Variants in DYNC1I1 observed in about 807,000 individuals in gnomAD.
The protein encoded by DYNC1I1 is cytoplasmic dynein 1 intermediate chain 1.
DYNC1I1 carries 43 observed loss-of-function variants against 86.6 expected under a neutral mutation model. That is an observed-to-expected ratio of 0.50 (90% CI 0.39 to 0.64). DYNC1I1 has a LOEUF of 0.64. DYNC1I1 is among the 30% of genes least tolerant of loss of function. The pLI is 0.00. For missense variants in DYNC1I1, 604 were observed against 788.8 expected (o/e 0.77, Z 2.81); for synonymous variants, 262 against 283.7 (o/e 0.92, Z 0.77).
At chr7:96,065,366 TTTTCTTTCTTTC>T (rs1336479543) in intron 14 of DYNC1I1, among the ~76,000 whole-genome samples, 3 of 141,032 alleles carry the variant, frequency 2.1e-5, no homozygotes, top group African/African-American at 8.2e-5. Context: ...TCTTTTCTTT[TTTTCTTTCTTTC>T]TTTTTTTTTT....
intron 10 of DYNC1I1, among the ~76,000 whole-genome samples, chr7:96,021,760 C>G (rs1028652132): frequency 2.0e-5 from 3 of 152,146 alleles, no homozygotes; most frequent in Non-Finnish European, 4.4e-5. Flanking sequence ...TGGAATCATA[C>G]AATAAGTGGC....
In DYNC1I1 at chr7:95,907,122, C is replaced by T. The variant is rs551395587; in HGVS notation, c.490+37124C>T. Among the ~76,000 whole-genome samples the T allele has an allele frequency of 2.0e-5, 3 of 152,232 alleles. No homozygotes were observed. In the South Asian group the frequency reaches 6.2e-4, roughly 32 times the overall value. ...TGCAGAACATCCGCTTTGAAATCGG[C>T]AGCTCAGTCAAAAACAGAGCTGTTG... On this transcript the variant is annotated intron_variant, in intron 6 of 16. Coordinates refer to ENST00000447467, the MANE Select transcript of DYNC1I1 (RefSeq NM_001135556.2).
At chr7:95,991,650 G>A (rs1481045540) in intron 9 of DYNC1I1, among the ~76,000 whole-genome samples, 2 of 151,994 alleles carry the variant, frequency 1.3e-5, no homozygotes, top group Non-Finnish European at 2.9e-5. Context: ...GGGAAGTTAG[G>A]CTTCTGTTGA....
At chr7:95,799,326 C>A (rs1285977222) in intron 1 of DYNC1I1, among the ~76,000 whole-genome samples, 1 of 152,148 alleles carries the variant, frequency 6.6e-6, no homozygotes, top group East Asian at 1.9e-4. Flanking sequence ...TTGCAGTGAG[C>A]CGAGATCGGG....
At chr7:95,931,346 C>T (rs376325252) in intron 6 of DYNC1I1, among the ~76,000 whole-genome samples, 2 of 152,102 alleles carry the variant, frequency 1.3e-5, no homozygotes, top group East Asian at 1.9e-4. Flanking sequence ...GATGGGGTTT[C>T]GCCATGTTGG....
rs1463517537 is a variant in DYNC1I1 at position 96,080,414 on chromosome 7, C to T, written c.1702C>T (p.Arg568Cys). The T allele has an allele frequency of 5.0e-6, 8 of 1,614,006 alleles. No individual in the cohort carries two copies. Among genetic ancestry groups the T allele is most frequent in the Non-Finnish European group, 5.1e-6 (6 of 1,179,974 alleles). The change falls in exon 16 of 17, where the codon CGT becomes TGT. Residue 568 changes from arginine to cysteine, a missense_variant. Arg to Cys is a radical substitution (Grantham distance 180, BLOSUM62 -3). Transcript: ENST00000447467. Reference protein sequence around the residue: ...IEGASALNRVRWAQAGKEVAV... With the variant: ...IEGASALNRVCWAQAGKEVAV... ...GGGGGCATCCGCCCTAAACCGTGTT[C>T]GTTGGGCCCAAGCTGGCAAAGAAGT... is the stretch of plus-strand genomic sequence containing the variant.
At chr7:95,974,621 T>C (rs554462376) in intron 6 of DYNC1I1, among the ~76,000 whole-genome samples, 32 of 152,272 alleles carry the variant, frequency 2.1e-4, no homozygotes, top group African/African-American at 7.0e-4. Flanking sequence ...ACCTAAGCTG[T>C]GAATCTTTCT....
intron 10 of DYNC1I1, among the ~76,000 whole-genome samples, chr7:96,004,736 C>T (rs1794100874): frequency 6.6e-6 from 1 of 151,844 alleles, no homozygotes; most frequent in Admixed American, 6.6e-5. Flanking sequence ...ATTATAGTAA[C>T]ATTGATGGTT....
At chr7:95,978,624 A>C (rs1478220643) in intron 7 of DYNC1I1, among the ~76,000 whole-genome samples, 1 of 152,154 alleles carries the variant, frequency 6.6e-6, no homozygotes, top group Non-Finnish European at 1.5e-5. Flanking sequence ...TGTAAATTTT[A>C]AAGATGGTTG....
At chr7:95,816,324 C>A (rs1017292221) in intron 4 of DYNC1I1, among the ~76,000 whole-genome samples, 24 of 152,284 alleles carry the variant, frequency 1.6e-4, no homozygotes, top group African/African-American at 5.8e-4. Flanking sequence ...ACTCAGCCAC[C>A]TCTTACTGAT....
Position 96,032,670 on chromosome 7 carries a change from C to G in DYNC1I1, c.1120C>G (p.Pro374Ala), listed in dbSNP as rs1275980376. 1 of 1,612,636 alleles carries G rather than the reference C, an allele frequency of 6.2e-7. No homozygotes were observed. Among genetic ancestry groups the G allele is most frequent in the Non-Finnish European group, 8.5e-7 (1 of 1,178,932 alleles). ...TPLSAAAHTH[P>A]VYCVNVVGTQ... ...CTCTTTGTTTATGTTTTTGCAGCAT[C>G]CCGTGTACTGTGTAAATGTTGTTGG... The change falls in exon 12 of 17, where the codon CCC (proline) becomes GCC (alanine). Residue 374 changes from proline (P) to alanine (A), a missense_variant. Coordinates refer to ENST00000447467, the MANE Select transcript of DYNC1I1 (RefSeq NM_001135556.2).
chr7:95,813,093 C>CT lies in DYNC1I1; in HGVS notation c.224-140dup, dbSNP rs11452827. Reference sequence around the variant, plus strand: ...CACTGGACTTTTTTCCTTTTCTTTCCTTTTTTTTTTTTTTCTTTATCCCAT... The same window carrying CT: ...CACTGGACTTTTTTCCTTTTCTTTCCTTTTTTTTTTTTTTTCTTTATCCCAT... On this transcript the variant is annotated intron_variant, in intron 3 of 16. Coordinates refer to ENST00000447467, the MANE Select transcript of DYNC1I1 (RefSeq NM_001135556.2). The CT allele has an allele frequency of 0.33, 361,233 of 1,097,144 alleles. 20,068 individuals are homozygous for CT. The highest frequency in any genetic ancestry group is 0.43 in the African/African-American group (24,597 of 56,710). The allele number at this position is 1,097,144 out of a possible 1,614,324, so 68.0% of individuals were successfully genotyped here.
At chr7:96,085,522 A>G (rs1286325603) in intron 16 of DYNC1I1, among the ~76,000 whole-genome samples, 2 of 152,186 alleles carry the variant, frequency 1.3e-5, no homozygotes, top group Non-Finnish European at 2.9e-5. Flanking sequence ...TGATTTCAGC[A>G]TTATATCTGG....
intron 6 of DYNC1I1, among the ~76,000 whole-genome samples, chr7:95,904,613 A>T (rs1426405215): frequency 3.5e-5 from 4 of 114,100 alleles, no homozygotes; most frequent in Admixed American, 9.3e-5. Flanking sequence ...ATGTATGTAT[A>T]CATATGTGTG....
chr7:96,087,447 T>G (rs1790715794), intron 16 of DYNC1I1, among the ~76,000 whole-genome samples: 1 of 152,192 alleles, frequency 6.6e-6, no homozygotes, highest in Admixed American at 6.5e-5. Context: ...CCAGGTATGA[T>G]CATCTGAATC....
intron 6 of DYNC1I1, among the ~76,000 whole-genome samples, chr7:95,896,124 G>C (rs116998272): frequency 6.6e-6 from 1 of 152,136 alleles, no homozygotes; most frequent in Non-Finnish European, 1.5e-5. Flanking sequence ...GCTTGTTGAT[G>C]GCCACTTTCT....
At chr7:96,010,022 A>G (rs1399548458) in intron 10 of DYNC1I1, among the ~76,000 whole-genome samples, 2 of 151,970 alleles carry the variant, frequency 1.3e-5, no homozygotes, top group Non-Finnish European at 2.9e-5. Flanking sequence ...CAGGTGATCC[A>G]CCCGTCTCGG....
downstream of DYNC1I1, among the ~76,000 whole-genome samples, chr7:96,102,443 A>G (rs1791149649): frequency 6.6e-6 from 1 of 152,192 alleles, no homozygotes; most frequent in Non-Finnish European, 1.5e-5. Context: ...GGAGCTTTTT[A>G]GAATCTCCCC....
chr7:96,062,300 G>T lies in DYNC1I1; in HGVS notation c.1510-13757G>T, dbSNP rs377460964. Among the ~76,000 whole-genome samples, 48 of 152,296 alleles carry T rather than the reference G, an allele frequency of 3.2e-4. 1 individual carries two copies. The South Asian group carries it at 1.0e-2, about 32-fold the overall frequency. ...TGTATTTTAAATGATGAAGGGAGCTGTATTCCTGTATTCTTCCGGAGACAG... is the reference window on the plus strand; with the variant it reads ...TGTATTTTAAATGATGAAGGGAGCTTTATTCCTGTATTCTTCCGGAGACAG... On this transcript the variant is annotated intron_variant, in intron 14 of 16. Coordinates refer to ENST00000447467, the MANE Select transcript of DYNC1I1 (RefSeq NM_001135556.2).
Sources: allele counts gnomAD v4.1 joint callset (sites outside exome capture counted in the v4.1 genomes callset), GRCh38; gene constraint gnomAD v4.1.1; transcripts MANE v1.5; gene names NCBI Gene and HGNC (gene_info 2026-07-23, HGNC 2026-07-21).